Variants in GPR161 observed in about 807,000 individuals in gnomAD.
GPR161 encodes the protein G-protein coupled receptor RE2.
In GPR161, 25 loss-of-function variants were observed where a neutral mutation model predicts 39.2. The observed-to-expected ratio is 0.64, with a 90% CI of 0.47 to 0.89. The LOEUF (loss-of-function observed/expected upper bound fraction) is 0.89, where lower values mean the gene tolerates loss of function less well. GPR161 is among the 40% of genes least tolerant of loss of function. The pLI is 0.00. For synonymous variants in GPR161, 286 were observed against 276.6 expected (o/e 1.03, Z -0.34); for missense variants, 547 against 677.8 (o/e 0.81, Z 2.14).
intron 1 of GPR161, among the ~76,000 whole-genome samples, chr1:168,122,372 T>G (rs1221326884): frequency 1.3e-5 from 2 of 152,186 alleles, no homozygotes; most frequent in African/African-American, 4.8e-5. Flanking sequence ...ACATTATATC[T>G]TCTCTGGATT....
intron 2 of GPR161, among the ~76,000 whole-genome samples, chr1:168,101,815 C>A (rs1696131328): frequency 6.6e-6 from 1 of 151,876 alleles, no homozygotes. Flanking sequence ...CTTTTCTTTT[C>A]TTTTTTTTCA....
chr1:168,101,193 T>C (rs1302321129), intron 2 of GPR161, among the ~76,000 whole-genome samples: 1 of 152,082 alleles, frequency 6.6e-6, no homozygotes, highest in East Asian at 1.9e-4. Context: ...GTTTGTTACA[T>C]ATGTATACAG....
In GPR161 at chr1:168,084,940, C is replaced by T. The variant is rs749671394; in HGVS notation, c.*591G>A. On this transcript the variant is annotated 3_prime_UTR_variant, in exon 6 of 6. Transcript: ENST00000682931. ...CTATTAGCACCAGCAGGTGGCGCCA[C>T]TGAGGACCGCTCCGAAGCGCTCTGC... is the stretch of plus-strand genomic sequence containing the variant. The T allele has an allele frequency of 1.8e-5, 8 of 456,326 alleles. No homozygotes were observed. Among genetic ancestry groups the T allele is most frequent in the South Asian group, 1.2e-4 (8 of 64,576 alleles). The allele number at this position is 456,326 out of a possible 1,614,324, so 28.3% of individuals were successfully genotyped here. A position where few individuals can be genotyped will look rare whatever the true frequency, so the allele number is the denominator to read the frequency against.
intron 1 of GPR161, among the ~76,000 whole-genome samples, chr1:168,116,433 A>G (rs566688761): frequency 6.6e-6 from 1 of 152,190 alleles, no homozygotes; most frequent in Non-Finnish European, 1.5e-5. Flanking sequence ...TCAGCACCTC[A>G]AAGCACTTTA....
intron 1 of GPR161, among the ~76,000 whole-genome samples, chr1:168,120,309 T>C (rs967946081): frequency 1.3e-5 from 2 of 152,186 alleles, no homozygotes; most frequent in African/African-American, 2.4e-5. Flanking sequence ...GTTTCAGACT[T>C]GCATGGGGTC....
chr1:168,106,282 T>G (rs1239025138), intron 1 of GPR161, among the ~76,000 whole-genome samples: 4 of 152,182 alleles, frequency 2.6e-5, no homozygotes, highest in African/African-American at 9.7e-5. Flanking sequence ...TACTATTCAC[T>G]CTAAGAATAC....
In GPR161 at chr1:168,135,939, C is replaced by T. The variant is rs182794037; in HGVS notation, c.-45+800G>A. The T allele has an allele frequency of 3.3e-3, 2,592 of 780,740 alleles. 11 individuals carry two copies. Among genetic ancestry groups the T allele is most frequent in the Middle Eastern group, 4.2e-3 (9 of 2,142 alleles). The allele number at this position is 780,740 out of a possible 1,614,324, so 48.4% of individuals were successfully genotyped here. A position where few individuals can be genotyped will look rare whatever the true frequency, so the allele number is the denominator to read the frequency against. Reference sequence around the variant, plus strand: ...ATAGCCTCCAAGATGTGATATAAAGCGATGCCAATGCGCAGCTATGTGGTT... The same window carrying T: ...ATAGCCTCCAAGATGTGATATAAAGTGATGCCAATGCGCAGCTATGTGGTT... On this transcript the variant is annotated intron_variant, in intron 1 of 5. Coordinates refer to ENST00000682931, the MANE Select transcript of GPR161 (RefSeq NM_001375883.1).
intron 1 of GPR161, among the ~76,000 whole-genome samples, chr1:168,110,335 C>T (rs1697008622): frequency 6.6e-6 from 1 of 151,572 alleles, no homozygotes; most frequent in Admixed American, 6.6e-5. Context: ...GAAACCTCAT[C>T]TCTACAGAAA....
intron 2 of GPR161, among the ~76,000 whole-genome samples, chr1:168,100,420 TC>T (rs1432064087): frequency 1.3e-5 from 2 of 152,134 alleles, no homozygotes; most frequent in Non-Finnish European, 2.9e-5. Context: ...AGAGGGGTTT[TC>T]CTTTGCTCTC....
At chr1:168,087,354 T>G (rs1239558673) in intron 5 of GPR161, among the ~76,000 whole-genome samples, 5 of 152,104 alleles carry the variant, frequency 3.3e-5, no homozygotes, top group Admixed American at 3.3e-4. Context: ...TGTGTGTGTG[T>G]GTGTGGAGTT....
rs576798063 is a variant in GPR161, at chr1:168,083,979, G to C, written c.*1552C>G. The C allele has an allele frequency of 6.6e-6, 1 of 152,440 alleles. No individual in the cohort carries two copies. The highest frequency in any genetic ancestry group is 2.4e-5 in the African/African-American group (1 of 41,588). The allele number at this position is 152,440 out of a possible 1,614,324, so 9.4% of individuals were successfully genotyped here. On this transcript the variant is annotated 3_prime_UTR_variant, in exon 6 of 6. Coordinates refer to ENST00000682931, the MANE Select transcript of GPR161 (RefSeq NM_001375883.1). ...ACCTTCTGCCAACCAAAGCAGAGAAGTCCTGAACTTATTTAGTCATGATGC... is the reference window on the plus strand; with the variant it reads ...ACCTTCTGCCAACCAAAGCAGAGAACTCCTGAACTTATTTAGTCATGATGC...
chr1:168,090,817 C>T, intron 3 of GPR161, 149 bp from the exon 4 acceptor site: 1 of 537,282 alleles, frequency 1.9e-6, no homozygotes, highest in Non-Finnish European at 3.3e-6. Flanking sequence ...AGCTTAGCTG[C>T]TCCCTCCTGG....
At chr1:168,100,045 A>G (rs1695947009) in intron 2 of GPR161, among the ~76,000 whole-genome samples, 1 of 151,924 alleles carries the variant, frequency 6.6e-6, no homozygotes, top group Non-Finnish European at 1.5e-5. Flanking sequence ...TACAAAAAAT[A>G]AAAAACAAAA....
chr1:168,085,002 G>C lies in GPR161; in HGVS notation c.*529C>G, dbSNP rs946272531. ...TTCTCTGCGGACCAGTCCTAGAACT[G>C]AGGGTCCCACACTGCCCGCATCAAC... On this transcript the variant is annotated 3_prime_UTR_variant, in exon 6 of 6. Coordinates refer to ENST00000682931, the MANE Select transcript of GPR161 (RefSeq NM_001375883.1). 5 of 456,246 alleles carry C rather than the reference G, an allele frequency of 1.1e-5. No individual in the cohort carries two copies. In the Admixed American group the frequency reaches 1.2e-4, roughly 11 times the overall value. The allele number at this position is 456,246 out of a possible 1,614,324, so 28.3% of individuals were successfully genotyped here. A position where few individuals can be genotyped will look rare whatever the true frequency, so the allele number is the denominator to read the frequency against.
chr1:168,090,712 A>G, intron 3 of GPR161, 44 bp from the exon 4 acceptor site: 1 of 1,174,026 alleles, frequency 8.5e-7, no homozygotes. Context: ...ACACTCTGCA[A>G]GGAGGGGCCC....
chr1:168,127,062 A>G (rs567456198), intron 1 of GPR161, among the ~76,000 whole-genome samples: 38 of 152,378 alleles, frequency 2.5e-4, no homozygotes, highest in Admixed American at 5.2e-4. Flanking sequence ...AACTGCCAAG[A>G]GGAATCTACG....
chr1:168,089,868 C>T (rs1037691290), intron 4 of GPR161, among the ~76,000 whole-genome samples: 4 of 152,236 alleles, frequency 2.6e-5, no homozygotes, highest in African/African-American at 7.2e-5. Flanking sequence ...AAGCCGACTG[C>T]TCAGACAAGG....
rs1399478559 is a variant in GPR161 at position 168,084,855 on chromosome 1, G to T, written c.*676C>A. ...GGTTTCTCCCTTTTGAAATACCAAA[G>T]AACTTGTCAGTAGGGAAGTAGGCAG... On this transcript the variant is annotated 3_prime_UTR_variant, in exon 6 of 6. Coordinates refer to ENST00000682931, the MANE Select transcript of GPR161 (RefSeq NM_001375883.1). 6.6e-6 allele frequency: 3 copies of T among 456,076 alleles called. No homozygotes were observed. Among genetic ancestry groups the T allele is most frequent in the African/African-American group, 4.0e-5 (2 of 50,034 alleles). 28.3% of individuals were successfully genotyped at this position (456,076 alleles called of 1,614,324 possible).
chr1:168,104,412 G>C (rs1043697541), intron 2 of GPR161, 65 bp downstream of exon 2: 10 of 1,362,534 alleles, frequency 7.3e-6, no homozygotes, highest in Middle Eastern at 3.7e-4. Flanking sequence ...GCAGTCAGAG[G>C]GACACTGCAC....
Sources: allele counts gnomAD v4.1 joint callset (sites outside exome capture counted in the v4.1 genomes callset), GRCh38; gene constraint gnomAD v4.1.1; transcripts MANE v1.5; gene names NCBI Gene and HGNC (gene_info 2026-07-23, HGNC 2026-07-21).